AKR1C4: variants seen among roughly 807,000 people sequenced by gnomAD.
AKR1C4 encodes the protein 3-alpha-HSD1.
Under a neutral mutation model 41.0 loss-of-function variants are expected in AKR1C4, and 44 were observed. The ratio of observed to expected loss-of-function variants is 1.07; its 90% CI spans 0.84 to 1.38. The LOEUF (loss-of-function observed/expected upper bound fraction) is 1.38, where lower values mean the gene tolerates loss of function less well. Among genes scored for constraint, AKR1C4 ranks in the 40% most tolerant of loss-of-function variants. The pLI, the probability that AKR1C4 is intolerant of heterozygous loss-of-function variation, is 0.00. For missense variants in AKR1C4, 438 were observed against 387.9 expected (o/e 1.13, Z -1.09); for synonymous variants, 165 against 137.7 (o/e 1.20, Z -1.39).
chr10:5,203,222 G>A (rs1832429199), intron 2 of AKR1C4, among the ~76,000 whole-genome samples: 2 of 152,020 alleles, frequency 1.3e-5, no homozygotes, highest in East Asian at 1.9e-4. Context: ...TTCCCCCGGG[G>A]TTCTGGCCAA....
chr10:5,202,316 G>A (rs782145907), intron 2 of AKR1C4: 2 of 251,786 alleles, frequency 7.9e-6, no homozygotes, highest in Non-Finnish European at 8.2e-6. Flanking sequence ...CATGGTTGTT[G>A]TTGGTGAATA....
intron 4 of AKR1C4, 45 bp from the exon 5 acceptor site, chr10:5,206,230 G>T (rs1466366024): frequency 6.2e-7 from 1 of 1,612,860 alleles, no homozygotes; most frequent in Non-Finnish European, 8.5e-7. Flanking sequence ...ATCATAATCT[G>T]CAGCCAACTG....
In AKR1C4 at chr10:5,202,042, C is replaced by T. The variant is rs568903100; in HGVS notation, c.252+1694C>T. 1.5e-3 allele frequency among the ~76,000 whole-genome samples: 232 copies of T among 152,150 alleles called. 1 individual carries two copies. The highest frequency in any genetic ancestry group is 5.3e-3 in the African/African-American group (219 of 41,510). On this transcript the variant is annotated intron_variant, in intron 2 of 8. Coordinates refer to ENST00000263126, the MANE Select transcript of AKR1C4 (RefSeq NM_001818.5). ...AATTTGAAGTCTGGTAATGAAATAC[C>T]TCCAGATTTCTTCTTTTTGCTTAGT...
At chr10:5,204,341 T>G (rs1832451547) in intron 2 of AKR1C4, 36 bp from the exon 3 acceptor site, 1 of 1,484,030 alleles carries the variant, frequency 6.7e-7, no homozygotes, top group Non-Finnish European at 9.4e-7. Flanking sequence ...TAGCTCATGT[T>G]TTTATTCAAC....
At chr10:5,204,967 C>A (rs185681181) in intron 3 of AKR1C4, among the ~76,000 whole-genome samples, 10 of 152,242 alleles carry the variant, frequency 6.6e-5, no homozygotes, top group African/African-American at 2.2e-4. Context: ...GCCTTTTTCA[C>A]TAAGGCTTAT....
At chr10:5,211,218 T>C (rs1327113439) in intron 5 of AKR1C4, among the ~76,000 whole-genome samples, 2 of 152,246 alleles carry the variant, frequency 1.3e-5, no homozygotes, top group African/African-American at 2.4e-5. Flanking sequence ...GTCTTGGTGA[T>C]TAACATTTGG....
At chr10:5,216,106 G>A (rs10458795) in intron 7 of AKR1C4, among the ~76,000 whole-genome samples, 5,410 of 152,254 alleles carry the variant, frequency 0.036, 204 homozygotes, top group East Asian at 0.19. Context: ...GCATTTACTC[G>A]TGGTAGAAGG....
Position 5,200,296 on chromosome 10 carries a change from G to C in AKR1C4, c.200G>C (p.Ser67Thr), listed in dbSNP as rs921696360. ...NEEQVGLAIR[S>T]KIADGSVKRE... ...GAGCAGGTTGGACTGGCCATCCGAA[G>C]CAAGATTGCAGATGGCAGTGTGAAG... is the stretch of plus-strand genomic sequence containing the variant. The change falls in exon 2 of 9, where the codon AGC becomes ACC. Residue 67 changes from serine to threonine, a missense_variant. Physicochemically the swap from Ser to Thr is moderately conservative, Grantham distance 58. Coordinates refer to ENST00000263126, the MANE Select transcript of AKR1C4 (RefSeq NM_001818.5). The C allele has an allele frequency of 2.5e-6, 4 of 1,614,080 alleles. No individual in the cohort carries two copies. Among genetic ancestry groups the C allele is most frequent in the Non-Finnish European group, 3.4e-6 (4 of 1,180,014 alleles).
At chr10:5,215,492 T>G (rs1832643106) in intron 7 of AKR1C4, among the ~76,000 whole-genome samples, 1 of 152,210 alleles carries the variant, frequency 6.6e-6, no homozygotes, top group African/African-American at 2.4e-5. Flanking sequence ...TGGAGAGGCT[T>G]CAGGAAGCTT....
chr10:5,205,696 G>A, intron 3 of AKR1C4, 61 bp from the exon 4 acceptor site: 1 of 1,422,894 alleles, frequency 7.0e-7, no homozygotes, highest in Non-Finnish European at 9.8e-7. Context: ...AATGTACATG[G>A]GAGCATGCCT....
chr10:5,217,251 A>G (rs1554798609), intron 8 of AKR1C4, among the ~76,000 whole-genome samples: 1 of 152,238 alleles, frequency 6.6e-6, no homozygotes, highest in East Asian at 1.9e-4. Flanking sequence ...CTTCTCTTCC[A>G]TATGGAATTG....
In AKR1C4 at chr10:5,206,374, A is replaced by G; in HGVS notation, c.547A>G (p.Lys183Glu). The change falls in exon 5 of 9, where the codon AAG becomes GAG. Residue 183 changes from lysine (K) to glutamate (E), a missense_variant. Lys to Glu is a moderately conservative substitution (Grantham distance 56). Coordinates refer to ENST00000263126, the MANE Select transcript of AKR1C4 (RefSeq NM_001818.5). The part of the protein sequence containing the change: ...LEMILNKPGL[K>E]YKPVCNQVEC... ...GATGATCCTCAACAAGCCAGGACTC[A>G]AGTACAAGCCTGTCTGCAACCAGGT... The G allele has an allele frequency of 6.2e-7, 1 of 1,614,086 alleles. No homozygotes were observed. Among genetic ancestry groups the G allele is most frequent in the Non-Finnish European group, 8.5e-7 (1 of 1,179,980 alleles).
In AKR1C4 at chr10:5,205,564, T is replaced by C. The variant is rs1163079850; in HGVS notation, c.370-193T>C. Among the ~76,000 whole-genome samples, 3 of 152,110 alleles carry C rather than the reference T, an allele frequency of 2.0e-5. No homozygotes were observed. The East Asian group carries it at 5.8e-4, about 29-fold the overall frequency. On this transcript the variant is annotated intron_variant, in intron 3 of 8. Coordinates refer to ENST00000263126, the MANE Select transcript of AKR1C4 (RefSeq NM_001818.5). ...TGGTTATTAATATATATAATGGAAG[T>C]AGGAGATTAAAGGAAGCCTGTCTCC...
At position 5,196,910 on chromosome 10, in the gene AKR1C4, T is replaced by G; in HGVS notation, c.43T>G (p.Phe15Val). 6.2e-7 allele frequency: 1 copy of G among 1,613,742 alleles called. No homozygotes were observed. Among genetic ancestry groups the G allele is most frequent in the African/African-American group, 1.3e-5 (1 of 74,912 alleles). ...GCGTGTAGAGCTAAATGATGGTCACTTCATGCCCGTATTGGGATTTGGCAC... is the reference window on the plus strand; with the variant it reads ...GCGTGTAGAGCTAAATGATGGTCACGTCATGCCCGTATTGGGATTTGGCAC... ...YQRVELNDGHFMPVLGFGTYA... is the reference protein window; with the variant it reads ...YQRVELNDGHVMPVLGFGTYA... Residue 15 changes from phenylalanine to valine, a missense_variant, in exon 1 of 9, where the codon TTC becomes GTC. Transcript: ENST00000263126.
intron 2 of AKR1C4, among the ~76,000 whole-genome samples, chr10:5,201,564 C>T (rs575555631): frequency 9.9e-5 from 15 of 152,242 alleles, no homozygotes; most frequent in South Asian, 8.3e-4. Context: ...TCTGTTTACT[C>T]GCATGATTAT....
chr10:5,209,997 C>T (rs1832546887), intron 5 of AKR1C4, among the ~76,000 whole-genome samples: 1 of 152,174 alleles, frequency 6.6e-6, no homozygotes, highest in Non-Finnish European at 1.5e-5. Context: ...TCATCTGAGA[C>T]AAGGCAAGTC....
At chr10:5,214,697 T>A (rs1216353418) in intron 7 of AKR1C4, among the ~76,000 whole-genome samples, 5 of 152,194 alleles carry the variant, frequency 3.3e-5, no homozygotes, top group Admixed American at 2.6e-4. Context: ...TTTGAGAATT[T>A]TCTAATCTAT....
chr10:5,199,870 G>A (rs1832369803), intron 1 of AKR1C4, among the ~76,000 whole-genome samples: 1 of 152,194 alleles, frequency 6.6e-6, no homozygotes, highest in African/African-American at 2.4e-5. Context: ...ATAAGGTAGA[G>A]GGTCTAATTG....
intron 2 of AKR1C4, chr10:5,202,516 C>T (rs1832416469): frequency 2.2e-6 from 1 of 455,002 alleles, no homozygotes. Context: ...TGCCTGATTA[C>T]TCTGGCTAGG....
Sources: allele counts gnomAD v4.1 joint callset (sites outside exome capture counted in the v4.1 genomes callset), GRCh38; gene constraint gnomAD v4.1.1; transcripts MANE v1.5; gene names NCBI Gene and HGNC (gene_info 2026-07-23, HGNC 2026-07-21).